Variants in MRTFA observed in about 807,000 individuals in gnomAD.
MRTFA encodes the protein myocardin related transcription factor A.
In MRTFA, 20 loss-of-function variants were observed where a neutral mutation model predicts 83.5. The ratio of observed to expected loss-of-function variants is 0.24; its 90% CI spans 0.17 to 0.35. MRTFA has a LOEUF of 0.35. Ranked by LOEUF, MRTFA falls within the 10% of genes least tolerant of loss-of-function variation. The pLI is 1.00. For missense variants in MRTFA, 1,200 were observed against 1,224.7 expected (o/e 0.98, Z 0.30); for synonymous variants, 659 against 541.2 (o/e 1.22, Z -3.02).
chr22:40,476,107 G>A (rs191503787), intron 3 of MRTFA, among the ~76,000 whole-genome samples: 3 of 144,664 alleles, frequency 2.1e-5, no homozygotes, highest in African/African-American at 7.5e-5. Context: ...TCGCGCCACT[G>A]CACTCCAACC....
At chr22:40,484,346 C>T (rs1385101698) in intron 3 of MRTFA, among the ~76,000 whole-genome samples, 1 of 151,994 alleles carries the variant, frequency 6.6e-6, no homozygotes, top group Non-Finnish European at 1.5e-5. Flanking sequence ...AGCGTAAAAG[C>T]TACAAATCAG....
chr22:40,462,897 C>G (rs1328016738), intron 4 of MRTFA, among the ~76,000 whole-genome samples: 1 of 152,186 alleles, frequency 6.6e-6, no homozygotes, highest in African/African-American at 2.4e-5. Context: ...AAGATCTGCC[C>G]CTCCTATAAA....
At chr22:40,443,621 C>T (rs557348379) in intron 4 of MRTFA, among the ~76,000 whole-genome samples, 119 of 152,250 alleles carry the variant, frequency 7.8e-4, no homozygotes, top group African/African-American at 2.7e-3. Context: ...CCCAGCACAA[C>T]AGAAAACTTT....
At chr22:40,588,213 T>C (rs900214092) in intron 2 of MRTFA, among the ~76,000 whole-genome samples, 1 of 151,902 alleles carries the variant, frequency 6.6e-6, no homozygotes, top group African/African-American at 2.4e-5. Context: ...ATTTTTAGTA[T>C]AGATGAGGTT....
At chr22:40,494,163 TAGAGA>T (rs2054313399) in intron 3 of MRTFA, among the ~76,000 whole-genome samples, 1 of 152,216 alleles carries the variant, frequency 6.6e-6, no homozygotes, top group South Asian at 2.1e-4. Context: ...TCTATTGGCT[TAGAGA>T]AAAGTGCTTT....
At chr22:40,607,371 G>A (rs2056330264) in intron 1 of MRTFA, among the ~76,000 whole-genome samples, 2 of 152,140 alleles carry the variant, frequency 1.3e-5, no homozygotes, top group Non-Finnish European at 2.9e-5. Context: ...GGGCATGCTG[G>A]TGGGCGCCTA....
intron 2 of MRTFA, among the ~76,000 whole-genome samples, chr22:40,564,973 G>A (rs940708835): frequency 1.3e-5 from 2 of 152,080 alleles, no homozygotes; most frequent in African/African-American, 4.8e-5. Flanking sequence ...TTATAATGCT[G>A]AGGGGCAATC....
intron 9 of MRTFA, among the ~76,000 whole-genome samples, chr22:40,421,814 A>G (rs2052846828): frequency 6.6e-6 from 1 of 152,152 alleles, no homozygotes; most frequent in Non-Finnish European, 1.5e-5. Flanking sequence ...GACCACGGAG[A>G]GCCGAGAAGT....
chr22:40,410,457 G>T lies in MRTFA; in HGVS notation c.*933C>A, dbSNP rs779057618. ...CTCAGCCCCACCGCAGGGTGAAGCT[G>T]GGCCCGAAGCTCCTCCTGTCCTAGG... On this transcript the variant is annotated 3_prime_UTR_variant, in exon 15 of 15. Coordinates refer to ENST00000355630, the MANE Select transcript of MRTFA (RefSeq NM_020831.6). 3.1e-4 allele frequency: 73 copies of T among 233,222 alleles called. No individual in the cohort carries two copies. The highest frequency in any genetic ancestry group is 5.4e-4 in the Non-Finnish European group (64 of 117,858). The allele number at this position is 233,222 out of a possible 1,614,324, so 14.4% of individuals were successfully genotyped here. A position where few individuals can be genotyped will look rare whatever the true frequency, so the allele number is the denominator to read the frequency against.
intron 3 of MRTFA, among the ~76,000 whole-genome samples, chr22:40,509,544 T>C (rs941273706): frequency 6.6e-6 from 1 of 152,208 alleles, no homozygotes; most frequent in African/African-American, 2.4e-5. Context: ...CTCTTTCTCA[T>C]CCAGCTGGTC....
At position 40,594,742 on chromosome 22, in the gene MRTFA, CACAA is replaced by C. The variant is rs1458789025; in HGVS notation, c.-83-11_-83-8del. 3 of 152,054 alleles carry C rather than the reference CACAA, an allele frequency of 2.0e-5. No homozygotes were observed. Among genetic ancestry groups the C allele is most frequent in the Admixed American group, 2.0e-4 (3 of 15,266 alleles). 9.4% of individuals were successfully genotyped at this position (152,054 alleles called of 1,614,324 possible). A position where few individuals can be genotyped will look rare whatever the true frequency, so the allele number is the denominator to read the frequency against. ...CAACCATACCCTCCGATCACTACAACACAAACAGAAAAATAAAAGTTCATGCAAT... is the reference window on the plus strand; with the variant it reads ...CAACCATACCCTCCGATCACTACAACACAGAAAAATAAAAGTTCATGCAAT... On this transcript the variant is annotated splice_region_variant and splice_polypyrimidine_tract_variant and intron_variant, in intron 1 of 14. Transcript: ENST00000355630.
At chr22:40,560,993 A>G (rs1442918516) in intron 2 of MRTFA, among the ~76,000 whole-genome samples, 1 of 152,218 alleles carries the variant, frequency 6.6e-6, no homozygotes, top group East Asian at 1.9e-4. Context: ...ACCAAATGGT[A>G]TGGTTCTTCT....
At chr22:40,483,790 A>T (rs1446628540) in intron 3 of MRTFA, among the ~76,000 whole-genome samples, 4 of 151,952 alleles carry the variant, frequency 2.6e-5, no homozygotes, top group Non-Finnish European at 5.9e-5. Flanking sequence ...GACCTCCCGG[A>T]CTCAATCAGT....
intron 3 of MRTFA, among the ~76,000 whole-genome samples, chr22:40,543,812 A>G (rs1237617542): frequency 6.6e-6 from 1 of 152,232 alleles, no homozygotes; most frequent in East Asian, 1.9e-4. Flanking sequence ...CATAGATGCA[A>G]TGCAATTCCA....
At chr22:40,451,151 G>A (rs1159344346) in intron 4 of MRTFA, among the ~76,000 whole-genome samples, 2 of 152,162 alleles carry the variant, frequency 1.3e-5, no homozygotes, top group Non-Finnish European at 2.9e-5. Context: ...CAAATGCTGA[G>A]AGCTAATTGG....
At chr22:40,504,381 C>T (rs1471245581) in intron 3 of MRTFA, among the ~76,000 whole-genome samples, 1 of 152,122 alleles carries the variant, frequency 6.6e-6, no homozygotes, top group Non-Finnish European at 1.5e-5. Flanking sequence ...TAAAAAAATA[C>T]AAAGACTTAA....
chr22:40,551,225 T>C (rs1602418244), intron 3 of MRTFA, among the ~76,000 whole-genome samples: 1 of 152,176 alleles, frequency 6.6e-6, no homozygotes, highest in Non-Finnish European at 1.5e-5. Context: ...GTACATGGTT[T>C]TTAAACAGTA....
At chr22:40,484,794 C>T (rs1418282231) in intron 3 of MRTFA, among the ~76,000 whole-genome samples, 1 of 151,954 alleles carries the variant, frequency 6.6e-6, no homozygotes, top group Non-Finnish European at 1.5e-5. Context: ...AAAGTAGAGG[C>T]GGGTGCGGTG....
intron 2 of MRTFA, among the ~76,000 whole-genome samples, chr22:40,565,764 G>C (rs1280121027): frequency 6.6e-6 from 1 of 152,178 alleles, no homozygotes; most frequent in Admixed American, 6.5e-5. Context: ...TTATGTGCCT[G>C]GGGGCCAGGT....
Sources: allele counts gnomAD v4.1 joint callset (sites outside exome capture counted in the v4.1 genomes callset), GRCh38; gene constraint gnomAD v4.1.1; transcripts MANE v1.5; gene names NCBI Gene and HGNC (gene_info 2026-07-23, HGNC 2026-07-21).